Variants in MTCL1 observed in about 807,000 individuals in gnomAD.
The protein encoded by MTCL1 is microtubule crosslinking factor 1.
In MTCL1, 79 loss-of-function variants were observed where a neutral mutation model predicts 141.4. The observed-to-expected ratio is 0.56, with a 90% CI of 0.47 to 0.67. The LOEUF is 0.67. Ranked by LOEUF, MTCL1 falls within the 30% of genes least tolerant of loss-of-function variation. MTCL1 has a pLI of 0.00. For missense variants in MTCL1, 2,177 were observed against 2,113.9 expected, an observed-to-expected ratio of 1.03 and a Z score of -0.59; for synonymous variants, 914 against 875.8, an observed-to-expected ratio of 1.04 and a Z score of -0.77.
chr18:8,744,952 C>T (rs930037488), intron 4 of MTCL1, among the ~76,000 whole-genome samples: 1 of 152,200 alleles, frequency 6.6e-6, no homozygotes, highest in South Asian at 2.1e-4. Flanking sequence ...CAGCCAGCCC[C>T]CCTGAGCTGT....
At chr18:8,752,313 T>A (rs1314338194) in intron 4 of MTCL1, among the ~76,000 whole-genome samples, 1 of 152,252 alleles carries the variant, frequency 6.6e-6, no homozygotes, top group African/African-American at 2.4e-5. Flanking sequence ...GAGCAGTGGT[T>A]TTGAAAAATT....
chr18:8,756,813 A>C (rs1386867860), intron 4 of MTCL1, among the ~76,000 whole-genome samples: 2 of 152,304 alleles, frequency 1.3e-5, no homozygotes, highest in East Asian at 3.9e-4. Context: ...AGTTGCAGTG[A>C]ATCCCAAGGA....
rs573862142 is a variant in MTCL1 at position 8,806,263 on chromosome 18, C to G, written c.2437-630C>G. ...TCAAAATGTTTAATAATTAAACCCA[C>G]CCACACACAGTGGCCATGTGTGTCA... On this transcript the variant is annotated intron_variant, in intron 10 of 16. Transcript: ENST00000359865. 5.3e-5 allele frequency among the ~76,000 whole-genome samples: 8 copies of G among 152,266 alleles called. No individual in the cohort carries two copies. In the East Asian group the frequency reaches 1.5e-3, roughly 29 times the overall value.
At chr18:8,785,843 C>T in intron 6 of MTCL1, 93 bp from the exon 6 acceptor site, 1 of 1,473,928 alleles carries the variant, frequency 6.8e-7, no homozygotes, top group Non-Finnish European at 9.1e-7. Flanking sequence ...TTTATCCCCC[C>T]TCCCTGCCTC....
At chr18:8,825,855 A>C in exon 15 of MTCL1, 1 of 1,614,120 alleles carries the variant, frequency 6.2e-7, no homozygotes, top group Non-Finnish European at 8.5e-7. Context: ...CCTCTTCAAC[A>C]TCATTGACCA....
chr18:8,720,301 C>A, intron 3 of MTCL1, 37 bp from the exon 3 acceptor site: 1 of 1,610,720 alleles, frequency 6.2e-7, no homozygotes. Flanking sequence ...CACAAAAAGC[C>A]TCATATCCTG....
At chr18:8,781,475 C>G (rs973610707) in intron 5 of MTCL1, among the ~76,000 whole-genome samples, 1 of 152,074 alleles carries the variant, frequency 6.6e-6, no homozygotes, top group East Asian at 1.9e-4. Context: ...ACTCAAAGAC[C>G]ATGTGACATT....
exon 10 of MTCL1, chr18:8,798,167 C>G: frequency 2.5e-6 from 4 of 1,597,236 alleles, no homozygotes; most frequent in Non-Finnish European, 3.4e-6. Context: ...GCGGATGGCC[C>G]AGACCACGAC....
intron 4 of MTCL1, among the ~76,000 whole-genome samples, chr18:8,771,152 T>A (rs541630811): frequency 2.2e-4 from 34 of 152,176 alleles, no homozygotes; most frequent in Admixed American, 8.5e-4. Context: ...AATCTTTTTT[T>A]AAAAATTATT....
exon 17 of MTCL1, chr18:8,832,753 A>G (rs560121622): frequency 1.3e-5 from 2 of 152,366 alleles, no homozygotes; most frequent in East Asian, 3.9e-4. Flanking sequence ...GTGATGAAGT[A>G]GAAATAAAGC....
At chr18:8,729,141 C>T (rs879852139) in intron 4 of MTCL1, among the ~76,000 whole-genome samples, 3 of 152,058 alleles carry the variant, frequency 2.0e-5, no homozygotes, top group Non-Finnish European at 4.4e-5. Context: ...CCTCCTTGGG[C>T]TCAAGCAGTC....
chr18:8,797,527 C>G (rs1338586925), intron 9 of MTCL1, among the ~76,000 whole-genome samples: 1 of 152,252 alleles, frequency 6.6e-6, no homozygotes, highest in African/African-American at 2.4e-5. Flanking sequence ...ATCACTGACC[C>G]TGGCTTCTTG....
chr18:8,719,735 T>C (rs544870767), intron 3 of MTCL1, among the ~76,000 whole-genome samples: 31 of 152,284 alleles, frequency 2.0e-4, no homozygotes, highest in Middle Eastern at 3.4e-3. Flanking sequence ...GATTATTTTT[T>C]ATTTTTATAA....
chr18:8,826,306 G>T, intron 15 of MTCL1, 74 bp downstream of exon 14: 1 of 1,326,410 alleles, frequency 7.5e-7, no homozygotes. Context: ...TTGGGACTTG[G>T]GATTGTGCTC....
intron 16 of MTCL1, chr18:8,831,075 CCAGT>C: frequency 2.0e-6 from 2 of 985,796 alleles, no homozygotes; most frequent in Non-Finnish European, 1.2e-6. Context: ...TAAGCTACTC[CCAGT>C]CAATTTCAAA....
intron 8 of MTCL1, among the ~76,000 whole-genome samples, chr18:8,793,546 C>T (rs1441264388): frequency 6.6e-6 from 1 of 152,200 alleles, no homozygotes; most frequent in East Asian, 1.9e-4. Context: ...TGAGCTGTGG[C>T]CTCATTAACC....
In MTCL1 at chr18:8,826,105, G is replaced by A. The variant is rs574852095; in HGVS notation, c.4595G>A (p.Arg1532Gln). ...TACACGCTCACTGAGAACGTGGCCC[G>A]GATCCTCAACAAGAAGCTGCTGGAA... is the stretch of plus-strand genomic sequence containing the variant. The change falls in exon 15 of 17, where the codon CGG becomes CAG. Residue 1532 changes from arginine to glutamine, a missense_variant. Transcript: ENST00000359865. 5.9e-5 allele frequency: 95 copies of A among 1,612,306 alleles called. No individual in the cohort carries two copies. Among genetic ancestry groups the A allele is most frequent in the East Asian group, 2.2e-4 (10 of 44,820 alleles).
intron 5 of MTCL1, among the ~76,000 whole-genome samples, chr18:8,778,561 C>T (rs2096521123): frequency 6.6e-6 from 1 of 152,202 alleles, no homozygotes; most frequent in African/African-American, 2.4e-5. Context: ...GCAACCTCCA[C>T]CGACCTCCTG....
chr18:8,782,475 C>T (rs952520277), intron 5 of MTCL1: 1 of 152,166 alleles, frequency 6.6e-6, no homozygotes, highest in Non-Finnish European at 1.5e-5. Flanking sequence ...AACAAGGAGA[C>T]CAGCCCTGCA....
Sources: allele counts gnomAD v4.1 joint callset (sites outside exome capture counted in the v4.1 genomes callset), GRCh38; gene constraint gnomAD v4.1.1; transcripts MANE v1.5; gene names NCBI Gene and HGNC (gene_info 2026-07-23, HGNC 2026-07-21).